Variants in FLNB observed in about 807,000 individuals in gnomAD.
The protein encoded by FLNB is filamin B, also known as filamin-B.
A neutral mutation model predicts 250.6 loss-of-function variants in FLNB; 111 were observed. The ratio of observed to expected loss-of-function variants is 0.44; its 90% CI spans 0.38 to 0.52. The LOEUF (loss-of-function observed/expected upper bound fraction) is 0.52. Among genes scored for constraint, FLNB ranks in the 20% least tolerant of loss-of-function variants. The pLI is 0.00. For missense variants in FLNB, 2,869 were observed against 3,447.8 expected, an observed-to-expected ratio of 0.83 and a Z score of 4.20; for synonymous variants, 1,302 against 1,372.1, an observed-to-expected ratio of 0.95 and a Z score of 1.13.
chr3:58,146,545 C>T (rs1166704643), intron 33 of FLNB: 2 of 474,594 alleles, frequency 4.2e-6, no homozygotes, highest in Non-Finnish European at 7.7e-6. Context: ...GTACACGGCT[C>T]CTTCCTTTTC....
At chr3:58,101,080 C>T (rs2097250406) in intron 8 of FLNB, among the ~76,000 whole-genome samples, 1 of 152,114 alleles carries the variant, frequency 6.6e-6, no homozygotes. Context: ...AGTCACTTGC[C>T]ATAAAGTGCC....
At chr3:58,022,785 G>A (rs1220101745) in intron 1 of FLNB, among the ~76,000 whole-genome samples, 1 of 151,858 alleles carries the variant, frequency 6.6e-6, no homozygotes, top group African/African-American at 2.4e-5. Context: ...CTTTCCCAAG[G>A]AAAGCCATCA....
chr3:58,100,373 A>ATATATATATATATATATATAT (rs1553696152), intron 8 of FLNB, among the ~76,000 whole-genome samples: 41 of 104,338 alleles, frequency 3.9e-4, no homozygotes, highest in Middle Eastern at 4.8e-3. Flanking sequence ...GTAAAAAAAA[A>ATATATATATATATATATATAT]ATATATATAT....
At chr3:58,111,758 G>A (rs2097269133) in intron 16 of FLNB, 33 bp from the exon 17 acceptor site, 1 of 1,548,048 alleles carries the variant, frequency 6.5e-7, no homozygotes, top group Admixed American at 1.7e-5. Flanking sequence ...TTGCTTCAGG[G>A]GCTTTCCTAC....
chr3:58,020,165 A>G (rs984980730), intron 1 of FLNB, among the ~76,000 whole-genome samples: 11 of 151,760 alleles, frequency 7.2e-5, no homozygotes, highest in Admixed American at 5.9e-4. Context: ...AGGCACAGCT[A>G]TGCTCTGTCA....
chr3:58,080,805 T>A (rs1217851709), intron 3 of FLNB, among the ~76,000 whole-genome samples: 1 of 149,922 alleles, frequency 6.7e-6, no homozygotes, highest in Non-Finnish European at 1.5e-5. Context: ...TTTTTTTTTT[T>A]AAAGAGACAG....
chr3:58,020,378 A>G (rs1436409215), intron 1 of FLNB, among the ~76,000 whole-genome samples: 3 of 152,112 alleles, frequency 2.0e-5, no homozygotes, highest in African/African-American at 7.2e-5. Context: ...ATCTGCAGGT[A>G]GCCTCGTGCT....
rs767399402 is a variant in FLNB, at chr3:58,123,572, C to T, written c.3606C>T (p.Tyr1202=). ...ACGTGCCCCTGACGGCCGGCATGTA[C>T]ACGTTGACCATGAAGTATGGTGGCG... ...VTYVPLTAGM[Y]TLTMKYGGEL... Residue 1202 remains tyrosine, a synonymous_variant, in exon 21 of 46, where the codon TAC becomes TAT. Coordinates refer to ENST00000295956, the MANE Select transcript of FLNB (RefSeq NM_001457.4). 14 of 1,612,042 alleles carry T rather than the reference C, an allele frequency of 8.7e-6. No homozygotes were observed. Among genetic ancestry groups the T allele is most frequent in the Non-Finnish European group, 1.2e-5 (14 of 1,179,546 alleles).
chr3:58,133,437 G>GAAAAAAA (rs55916881), intron 26 of FLNB, among the ~76,000 whole-genome samples: 1 of 67,602 alleles, frequency 1.5e-5, no homozygotes, highest in Non-Finnish European at 3.6e-5. Flanking sequence ...GACATCTCTG[G>GAAAAAAA]AAAAAAAAAA....
chr3:58,085,879 A>G (rs1317690764), intron 4 of FLNB, among the ~76,000 whole-genome samples: 1 of 152,172 alleles, frequency 6.6e-6, no homozygotes, highest in Non-Finnish European at 1.5e-5. Flanking sequence ...GCCACGGGTG[A>G]CCAACCCAAG....
rs763328980 is a variant in FLNB at position 58,124,319 on chromosome 3, G to A, written c.3725-13G>A. On this transcript the variant is annotated splice_polypyrimidine_tract_variant and intron_variant, in intron 21 of 45. Transcript: ENST00000295956. Reference sequence around the variant, plus strand: ...GTACTGGTGGCAGTGTTAGCTATGTGCTTGCTCTGCAGATGTGTTCCGGGA... The same window carrying A: ...GTACTGGTGGCAGTGTTAGCTATGTACTTGCTCTGCAGATGTGTTCCGGGA... 39 of 1,614,072 alleles carry A rather than the reference G, an allele frequency of 2.4e-5. No homozygotes were observed. Among genetic ancestry groups the A allele is most frequent in the Non-Finnish European group, 1.7e-6 (2 of 1,180,020 alleles).
intron 1 of FLNB, among the ~76,000 whole-genome samples, chr3:58,053,522 G>A (rs1013172008): frequency 1.6e-4 from 24 of 152,152 alleles, no homozygotes; most frequent in African/African-American, 4.8e-4. Flanking sequence ...GTGCAGTGGC[G>A]CTATCTCAGC....
At chr3:58,124,556 C>T in intron 22 of FLNB, 51 bp downstream of exon 22, 1 of 1,594,290 alleles carries the variant, frequency 6.3e-7, no homozygotes, top group Non-Finnish European at 8.6e-7. Context: ...TGCCCTTGGT[C>T]ATTGCCTCCT....
At chr3:58,058,538 G>A (rs2097173712) in intron 1 of FLNB, among the ~76,000 whole-genome samples, 1 of 152,156 alleles carries the variant, frequency 6.6e-6, no homozygotes, top group African/African-American at 2.4e-5. Context: ...AGTTTGCACT[G>A]GAACAATAAG....
At chr3:58,029,719 G>T (rs1312494263) in intron 1 of FLNB, among the ~76,000 whole-genome samples, 1 of 151,964 alleles carries the variant, frequency 6.6e-6, no homozygotes, top group Admixed American at 6.6e-5. Flanking sequence ...TGGCCAGGCT[G>T]GTCTCGAACT....
In FLNB at chr3:58,136,086, C is replaced by T. The variant is rs1156457640; in HGVS notation, c.4779C>T (p.Thr1593=). 4 of 1,614,108 alleles carry T rather than the reference C, an allele frequency of 2.5e-6. No homozygotes were observed. The African/African-American group carries it at 4.0e-5, about 16-fold the overall frequency. The change falls in exon 28 of 46, where the codon ACC becomes ACT. Residue 1593 remains threonine (T), a synonymous_variant. Transcript: ENST00000295956. ...CTGGGCGCTATATGATTGGAGTCAC[C>T]TACGGGGGTGACGACATCCCACTTT... ...DKTGRYMIGV[T]YGGDDIPLSP... is the part of the protein sequence containing the mutation.
At chr3:58,129,282 C>T (rs2097302557) in intron 24 of FLNB, among the ~76,000 whole-genome samples, 1 of 152,128 alleles carries the variant, frequency 6.6e-6, no homozygotes, top group Non-Finnish European at 1.5e-5. Context: ...GAAGATCTGG[C>T]ATGAGGGAAT....
chr3:58,080,159 T>C (rs1559678563), intron 3 of FLNB, among the ~76,000 whole-genome samples: 2 of 152,242 alleles, frequency 1.3e-5, no homozygotes, highest in Non-Finnish European at 2.9e-5. Flanking sequence ...TGAAGGCGAC[T>C]GTTCAAACCC....
rs2097367423 is a variant in FLNB, at chr3:58,164,665, G to C, written c.7198+1335G>C. 1 of 152,244 alleles carries C rather than the reference G, an allele frequency of 6.6e-6. No individual in the cohort carries two copies. Among genetic ancestry groups the C allele is most frequent in the African/African-American group, 2.4e-5 (1 of 41,456 alleles). The allele number at this position is 152,244 out of a possible 1,614,324, so 9.4% of individuals were successfully genotyped here. A position where few individuals can be genotyped will look rare whatever the true frequency, so the allele number is the denominator to read the frequency against. On this transcript the variant is annotated intron_variant, in intron 43 of 45. Coordinates refer to ENST00000295956, the MANE Select transcript of FLNB (RefSeq NM_001457.4). The surrounding 1 kb of genome is among the most constrained non-coding windows in gnomAD (Gnocchi z 4.0). ...TGGCCTCAGCAAAGCCACCCACAGG[G>C]GTGGTGTGAGTGCTGCCAGACTCCC...
Sources: gnomAD v4.1 joint callset for allele counts (sites outside exome capture counted in the v4.1 genomes callset) on GRCh38, gnomAD v4.1.1 for gene constraint, Gnocchi (gnomAD v3.1) non-coding constraint, MANE v1.5 for transcripts, NCBI Gene and HGNC (gene_info 2026-07-23, HGNC 2026-07-21) for gene names.